Variants in FAM124A observed in about 807,000 individuals in gnomAD.
The protein encoded by FAM124A is protein FAM124A.
A neutral mutation model predicts 24.5 loss-of-function variants in FAM124A; 23 were observed. That is an observed-to-expected ratio of 0.94 (90% CI 0.68 to 1.33). FAM124A has a LOEUF of 1.33. FAM124A is among the 40% of genes most tolerant of loss of function. The probability of loss-of-function intolerance (pLI) is 0.00; values close to 1 mark genes in which losing one functional copy is unlikely to be tolerated. For synonymous variants in FAM124A, 287 were observed against 314.7 expected, an observed-to-expected ratio of 0.91 and a Z score of 0.93; for missense variants, 623 against 722.8, an observed-to-expected ratio of 0.86 and a Z score of 1.58.
At chr13:51,229,249 C>T (rs1244278526) in intron 1 of FAM124A, among the ~76,000 whole-genome samples, 1 of 152,176 alleles carries the variant, frequency 6.6e-6, no homozygotes, top group African/African-American at 2.4e-5. Flanking sequence ...TGAATTTCAT[C>T]CAGAGAGAGA....
At chr13:51,248,070 T>G (rs1168042456) in intron 2 of FAM124A, among the ~76,000 whole-genome samples, 3 of 152,212 alleles carry the variant, frequency 2.0e-5, no homozygotes, top group Admixed American at 2.0e-4. Context: ...GAATATGATC[T>G]GAAAGTAACT....
chr13:51,243,171 G>A (rs1954518500), intron 2 of FAM124A, among the ~76,000 whole-genome samples: 1 of 152,182 alleles, frequency 6.6e-6, no homozygotes. Context: ...CACTTTCACA[G>A]CCCAAAATTG....
At chr13:51,232,722 ACT>A (rs61148100) in intron 2 of FAM124A, among the ~76,000 whole-genome samples, 3 of 151,110 alleles carry the variant, frequency 2.0e-5, no homozygotes, top group Non-Finnish European at 4.4e-5. Context: ...GCTCAGTTGA[ACT>A]CTCTCTCTCT....
chr13:51,270,665 C>T (rs1007468965), intron 3 of FAM124A, among the ~76,000 whole-genome samples: 2 of 152,170 alleles, frequency 1.3e-5, no homozygotes, highest in African/African-American at 2.4e-5. Context: ...TCAACATTTT[C>T]CCCCCTTAGG....
chr13:51,231,404 A>G (rs1954375610), intron 2 of FAM124A, 25 bp downstream of exon 2: 2 of 1,613,484 alleles, frequency 1.2e-6, no homozygotes, highest in Middle Eastern at 1.7e-4. Flanking sequence ...AACATCCTTC[A>G]GCATTGTCTA....
chr13:51,253,912 T>G (rs1954650822), intron 3 of FAM124A, among the ~76,000 whole-genome samples: 1 of 152,178 alleles, frequency 6.6e-6, no homozygotes. Context: ...GTTGAGGAAT[T>G]AAATTAATGT....
chr13:51,247,243 C>A (rs569513196), intron 2 of FAM124A, among the ~76,000 whole-genome samples: 3 of 152,320 alleles, frequency 2.0e-5, no homozygotes, highest in African/African-American at 7.2e-5. Flanking sequence ...GGCCACTCTG[C>A]TGTGAAAGGG....
chr13:51,280,649 G>A lies in FAM124A; in HGVS notation c.1034G>A (p.Gly345Glu), dbSNP rs2137716691. 1.2e-6 allele frequency: 2 copies of A among 1,614,054 alleles called. No individual in the cohort carries two copies. Among genetic ancestry groups the A allele is most frequent in the Non-Finnish European group, 1.7e-6 (2 of 1,180,000 alleles). The change falls in exon 4 of 4, where the codon GGA (glycine) becomes GAA (glutamate). Residue 345 changes from glycine to glutamate, a missense_variant. Transcript: ENST00000322475. ...LPPGHQQEFA[G>E]RANSTPNPPW... The stretch of plus-strand genomic sequence containing the variant: ...CCTGGGCACCAGCAGGAATTTGCCG[G>A]ACGAGCCAACAGCACCCCCAACCCT...
chr13:51,272,971 G>A lies in FAM124A; in HGVS notation c.835-7479G>A, dbSNP rs1247293366. On this transcript the variant is annotated intron_variant, in intron 3 of 3. Transcript: ENST00000322475. The surrounding 1 kb of genome is among the most constrained non-coding windows in gnomAD (Gnocchi z 4.2). ...CTCTAAGAAATGACACTTGGATAAG[G>A]GTAAAACCTCTTTTTTTCCCCCATT... Among the ~76,000 whole-genome samples, 1 of 152,030 alleles carries A rather than the reference G, an allele frequency of 6.6e-6. No individual in the cohort carries two copies. The highest frequency in any genetic ancestry group is 1.5e-5 in the Non-Finnish European group (1 of 68,000).
At chr13:51,267,479 C>G (rs1954800006) in intron 3 of FAM124A, among the ~76,000 whole-genome samples, 1 of 152,038 alleles carries the variant, frequency 6.6e-6, no homozygotes, top group Admixed American at 6.6e-5. Context: ...AAGAAAATGC[C>G]TAGAACTGCA....
intron 2 of FAM124A, chr13:51,245,420 G>A (rs940816676): frequency 3.2e-6 from 2 of 634,364 alleles, no homozygotes; most frequent in Non-Finnish European, 5.7e-6. Context: ...TGGCCCTCAG[G>A]TAGCCCTTTT....
At chr13:51,273,226 G>A (rs1954854808) in intron 3 of FAM124A, among the ~76,000 whole-genome samples, 2 of 152,162 alleles carry the variant, frequency 1.3e-5, no homozygotes, top group South Asian at 4.2e-4. Context: ...GCAATGTCCT[G>A]AGGCATTTTT....
chr13:51,231,266 T>C lies in FAM124A; in HGVS notation c.69-82T>C, dbSNP rs939749443. 1.3e-5 allele frequency: 20 copies of C among 1,495,934 alleles called. No individual in the cohort carries two copies. In the African/African-American group the frequency reaches 2.2e-4, roughly 17 times the overall value. The allele number at this position is 1,495,934 out of a possible 1,614,324, so 92.7% of individuals were successfully genotyped here. A position where few individuals can be genotyped will look rare whatever the true frequency, so the allele number is the denominator to read the frequency against. ...CATTTCTTTACCAGCTAAATGCTACTTACCACTGACTGTTTAAAATTCTGG... is the reference window on the plus strand; with the variant it reads ...CATTTCTTTACCAGCTAAATGCTACCTACCACTGACTGTTTAAAATTCTGG... On this transcript the variant is annotated intron_variant, in intron 1 of 3. Transcript: ENST00000322475.
intron 2 of FAM124A, among the ~76,000 whole-genome samples, chr13:51,233,064 T>C (rs1954396051): frequency 6.6e-6 from 1 of 152,118 alleles, no homozygotes; most frequent in Non-Finnish European, 1.5e-5. Context: ...TGAGTGAGTG[T>C]GTATATGTGT....
At chr13:51,248,028 C>T (rs1303779997) in intron 2 of FAM124A, among the ~76,000 whole-genome samples, 1 of 152,170 alleles carries the variant, frequency 6.6e-6, no homozygotes, top group Non-Finnish European at 1.5e-5. Context: ...TATATGGGGG[C>T]ACACGCTTAT....
At chr13:51,254,396 CTT>C (rs149474095) in intron 3 of FAM124A, among the ~76,000 whole-genome samples, 5 of 151,632 alleles carry the variant, frequency 3.3e-5, no homozygotes, top group Admixed American at 6.6e-5. Flanking sequence ...AAAGTTGAAA[CTT>C]TTTTTTTCTG....
intron 2 of FAM124A, among the ~76,000 whole-genome samples, chr13:51,243,567 C>A (rs1174971817): frequency 2.0e-5 from 3 of 152,050 alleles, no homozygotes; most frequent in African/African-American, 7.2e-5. Flanking sequence ...GAGTTTTGCC[C>A]TTATTGCCCA....
chr13:51,246,252 TA>T lies in FAM124A; in HGVS notation c.101-5213del, dbSNP rs1954556716. Among the ~76,000 whole-genome samples the T allele has an allele frequency of 2.0e-5, 3 of 152,154 alleles. No homozygotes were observed. In the South Asian group the frequency reaches 6.2e-4, roughly 32 times the overall value. On this transcript the variant is annotated intron_variant, in intron 2 of 3. Coordinates refer to ENST00000322475, the MANE Select transcript of FAM124A (RefSeq NM_001242312.2). ...TTGAGAAGACATGTAATAGATATGA[TA>T]AAGGCAGAGCACATCCCACAGTCAT...
intron 3 of FAM124A, among the ~76,000 whole-genome samples, chr13:51,260,790 G>T (rs877352): frequency 6.6e-6 from 1 of 152,076 alleles, no homozygotes; most frequent in Admixed American, 6.5e-5. Context: ...GGGCTTGTCA[G>T]ACAGACTTTT....
Sources: allele counts gnomAD v4.1 joint callset (sites outside exome capture counted in the v4.1 genomes callset), GRCh38; gene constraint gnomAD v4.1.1; non-coding constraint Gnocchi (gnomAD v3.1); transcripts MANE v1.5; gene names NCBI Gene and HGNC (gene_info 2026-07-23, HGNC 2026-07-21).